ANO10: variants seen among roughly 807,000 people sequenced by gnomAD.
ANO10 encodes the protein anoctamin-10.
Under a neutral mutation model 74.7 loss-of-function variants are expected in ANO10, and 77 were observed. The ratio of observed to expected loss-of-function variants is 1.03; its 90% CI spans 0.86 to 1.25. ANO10 has a LOEUF of 1.25. ANO10 is among the 50% of genes most tolerant of loss of function. The pLI, the probability that ANO10 is intolerant of heterozygous loss-of-function variation, is 0.00. For synonymous variants in ANO10, 279 were observed against 284.9 expected (o/e 0.98, Z 0.21); for missense variants, 721 against 778.1 (o/e 0.93, Z 0.87).
intron 12 of ANO10, among the ~76,000 whole-genome samples, chr3:43,387,881 G>A (rs35323779): frequency 0.18 from 27,984 of 152,144 alleles, 3,134 homozygotes; most frequent in Middle Eastern, 0.36. Context: ...GTACCCCCAG[G>A]GAGAGGCTTC....
intron 12 of ANO10, among the ~76,000 whole-genome samples, chr3:43,400,912 G>A (rs1353256294): frequency 3.3e-5 from 5 of 152,156 alleles, no homozygotes; most frequent in Non-Finnish European, 1.5e-5. Flanking sequence ...AAGTAGGAAC[G>A]TACTTTGTCA....
At position 43,432,665 on chromosome 3, in the gene ANO10, G is replaced by T; in HGVS notation, c.1860C>A (p.Ile620=). 6.2e-7 allele frequency: 1 copy of T among 1,613,938 alleles called. No homozygotes were observed. The highest frequency in any genetic ancestry group is 1.1e-5 in the South Asian group (1 of 91,084). ...AFAIPDKPRH[I]QMKLARLEFE... The stretch of plus-strand genomic sequence containing the variant: ...ATTCCAGTCTGGCTAGTTTCATCTG[G>T]ATATGCCGTGGCTTATCAGGTATGG... The change falls in exon 12 of 13, where the codon ATC becomes ATA. Residue 620 remains isoleucine (I), a synonymous_variant. Coordinates refer to ENST00000292246, the MANE Select transcript of ANO10 (RefSeq NM_018075.5).
chr3:43,599,905 C>CAA (rs57600272), intron 3 of ANO10, among the ~76,000 whole-genome samples: 2 of 102,332 alleles, frequency 2.0e-5, no homozygotes, highest in African/African-American at 3.7e-5. Context: ...GACTCTGTCT[C>CAA]AAAAAAAAAA....
intron 12 of ANO10, among the ~76,000 whole-genome samples, chr3:43,424,076 T>G (rs1364551924): frequency 6.6e-6 from 1 of 152,160 alleles, no homozygotes; most frequent in Non-Finnish European, 1.5e-5. Context: ...TGCTCCATAA[T>G]GGGTCTTACT....
intron 11 of ANO10, among the ~76,000 whole-genome samples, chr3:43,495,155 A>G (rs531624569): frequency 1.3e-5 from 2 of 152,114 alleles, no homozygotes; most frequent in Non-Finnish European, 2.9e-5. Context: ...CGGTTTAATA[A>G]ATGATATAAA....
At chr3:43,517,575 T>G (rs2077762699) in intron 11 of ANO10, among the ~76,000 whole-genome samples, 1 of 152,108 alleles carries the variant, frequency 6.6e-6, no homozygotes, top group African/African-American at 2.4e-5. Flanking sequence ...TCTCTTTGAG[T>G]ACACACAAAG....
At chr3:43,504,137 G>C (rs115561059) in intron 11 of ANO10, among the ~76,000 whole-genome samples, 1 of 151,876 alleles carries the variant, frequency 6.6e-6, no homozygotes, top group Admixed American at 6.6e-5. Flanking sequence ...GCACGGTGGC[G>C]GACACCTGTA....
At chr3:43,432,941 A>ATTTTTTTTTTTT (rs1559539096) in intron 11 of ANO10, among the ~76,000 whole-genome samples, 7 of 46,530 alleles carry the variant, frequency 1.5e-4, no homozygotes, top group Admixed American at 3.0e-4. Flanking sequence ...ACTTTGCTTA[A>ATTTTTTTTTTTT]TTCTTTTTTT....
chr3:43,668,340 G>A (rs974511283), intron 1 of ANO10, among the ~76,000 whole-genome samples: 3 of 151,888 alleles, frequency 2.0e-5, no homozygotes, highest in African/African-American at 7.3e-5. Flanking sequence ...TTCTTCGTTA[G>A]ATGCAAATTT....
In ANO10 at chr3:43,478,736, A is replaced by G. The variant is rs981256199; in HGVS notation, c.1798-46009T>C. Among the ~76,000 whole-genome samples the G allele has an allele frequency of 5.9e-5, 9 of 152,348 alleles. No homozygotes were observed. In the East Asian group the frequency reaches 7.7e-4, roughly 13 times the overall value. On this transcript the variant is annotated intron_variant, in intron 11 of 12. Transcript: ENST00000292246. ...CAATTTTTCTCATTTTCAAACACAG[A>G]TTATTCACACCATACATATGTAGCA...
intron 1 of ANO10, among the ~76,000 whole-genome samples, chr3:43,681,457 T>G (rs2084197924): frequency 6.8e-6 from 1 of 147,164 alleles, no homozygotes; most frequent in African/African-American, 2.5e-5. Context: ...CAAAGAGACT[T>G]AGACTCCCAC....
At chr3:43,479,410 T>C (rs921165397) in intron 11 of ANO10, among the ~76,000 whole-genome samples, 1 of 152,194 alleles carries the variant, frequency 6.6e-6, no homozygotes, top group African/African-American at 2.4e-5. Context: ...ATTCAGAAGT[T>C]GGTCAATCTA....
intron 1 of ANO10, among the ~76,000 whole-genome samples, chr3:43,617,241 C>A: frequency 6.6e-6 from 1 of 150,892 alleles, no homozygotes; most frequent in South Asian, 2.1e-4. Flanking sequence ...GTAGCACAAA[C>A]CTTATGGTTC....
At chr3:43,590,972 G>T (rs2081713010) in intron 4 of ANO10, among the ~76,000 whole-genome samples, 1 of 152,192 alleles carries the variant, frequency 6.6e-6, no homozygotes, top group Non-Finnish European at 1.5e-5. Context: ...TAGGCTAAAA[G>T]CAGGAGGTAA....
intron 11 of ANO10, among the ~76,000 whole-genome samples, chr3:43,494,292 A>G (rs1001412912): frequency 2.6e-5 from 4 of 152,128 alleles, no homozygotes; most frequent in African/African-American, 9.7e-5. Context: ...CGTCTGTACT[A>G]CAAATACAAC....
At chr3:43,691,328 T>G in intron 1 of ANO10, 1 of 259,686 alleles carries the variant, frequency 3.9e-6, no homozygotes, top group Admixed American at 5.4e-5. Context: ...CGTTGTTGTA[T>G]AAGCCACCCC....
At chr3:43,444,584 G>C (rs568662624) in intron 11 of ANO10, among the ~76,000 whole-genome samples, 3 of 152,136 alleles carry the variant, frequency 2.0e-5, no homozygotes, top group Admixed American at 2.0e-4. Flanking sequence ...TGTATCAAGT[G>C]AGAATTTAAG....
At chr3:43,568,289 C>A (rs1428859280) in intron 7 of ANO10, among the ~76,000 whole-genome samples, 1 of 151,838 alleles carries the variant, frequency 6.6e-6, no homozygotes, top group Non-Finnish European at 1.5e-5. Flanking sequence ...GACAGAAAGT[C>A]AACAAGGATA....
chr3:43,590,079 A>G (rs2081657418), intron 4 of ANO10, among the ~76,000 whole-genome samples: 1 of 152,156 alleles, frequency 6.6e-6, no homozygotes, highest in Admixed American at 6.5e-5. Flanking sequence ...TACATGTATT[A>G]TTTTTTAAAT....
Sources: gnomAD v4.1 joint callset for allele counts (sites outside exome capture counted in the v4.1 genomes callset) on GRCh38, gnomAD v4.1.1 for gene constraint, MANE v1.5 for transcripts, NCBI Gene and HGNC (gene_info 2026-07-23, HGNC 2026-07-21) for gene names.